Variants in LRRCC1 observed in about 807,000 individuals in gnomAD.
The protein encoded by LRRCC1 is leucine-rich repeat and coiled-coil domain-containing protein 1.
Under a neutral mutation model 126.0 loss-of-function variants are expected in LRRCC1, and 115 were observed. The ratio of observed to expected loss-of-function variants is 0.91; its 90% CI spans 0.78 to 1.07. LRRCC1 has a LOEUF of 1.07. LRRCC1 is among the 50% of genes least tolerant of loss of function. LRRCC1 has a pLI of 0.00. For synonymous variants in LRRCC1, 400 were observed against 393.4 expected (o/e 1.02, Z -0.20); for missense variants, 1,172 against 1,175.7 (o/e 1.00, Z 0.05).
rs771125291 is a variant in LRRCC1 at position 85,112,919 on chromosome 8, G to T, written c.377-13G>T. On this transcript the variant is annotated splice_polypyrimidine_tract_variant and intron_variant, in intron 3 of 18. Coordinates refer to ENST00000360375, the MANE Select transcript of LRRCC1 (RefSeq NM_033402.5). ...ATTGCTGTGGCATTTAAAGAATTATGTTCCTATTGCAGGATTGATTCCCCT... is the reference window on the plus strand; with the variant it reads ...ATTGCTGTGGCATTTAAAGAATTATTTTCCTATTGCAGGATTGATTCCCCT... The T allele has an allele frequency of 6.5e-7, 1 of 1,537,914 alleles. No homozygotes were observed. The highest frequency in any genetic ancestry group is 8.8e-7 in the Non-Finnish European group (1 of 1,138,510).
chr8:85,135,495 C>A (rs1391651665), intron 13 of LRRCC1, among the ~76,000 whole-genome samples: 1 of 152,042 alleles, frequency 6.6e-6, no homozygotes, highest in Non-Finnish European at 1.5e-5. Flanking sequence ...TGGAAAATGA[C>A]CTTTAACACT....
chr8:85,114,619 T>C (rs1808965208), intron 4 of LRRCC1, among the ~76,000 whole-genome samples: 1 of 152,086 alleles, frequency 6.6e-6, no homozygotes, highest in African/African-American at 2.4e-5. Context: ...GCTTTAATAT[T>C]AGTTATGTGT....
intron 8 of LRRCC1, among the ~76,000 whole-genome samples, chr8:85,125,423 C>T (rs1310588122): frequency 2.0e-5 from 3 of 151,832 alleles, no homozygotes; most frequent in African/African-American, 7.3e-5. Flanking sequence ...CCTGTAATCC[C>T]AGCACTTTGG....
At chr8:85,141,098 CA>C (rs1811218044) in intron 17 of LRRCC1, among the ~76,000 whole-genome samples, 3 of 151,910 alleles carry the variant, frequency 2.0e-5, no homozygotes, top group Admixed American at 2.0e-4. Flanking sequence ...CTCCTAGACT[CA>C]AAATAAATGG....
chr8:85,130,031 T>G lies in LRRCC1; in HGVS notation c.1739T>G (p.Leu580Arg). ...GAACAAGCGCAACAACTTCATCAAC[T>G]TCTTGCATTGAAAGAACAGGAACAC... is the stretch of plus-strand genomic sequence containing the variant. ...EREQAQQLHQ[L>R]LALKEQEHRK... Residue 580 changes from leucine (L) to arginine (R), a missense_variant, in exon 11 of 19, where the codon CTT becomes CGT. Transcript: ENST00000360375. 6.3e-7 allele frequency: 1 copy of G among 1,595,782 alleles called. No individual in the cohort carries two copies. The highest frequency in any genetic ancestry group is 8.5e-7 in the Non-Finnish European group (1 of 1,173,442).
rs1811252118 is a variant in LRRCC1 at position 85,141,518 on chromosome 8, G to A, written c.2976+1G>A. 1 of 1,595,804 alleles carries A rather than the reference G, an allele frequency of 6.3e-7. No individual in the cohort carries two copies. Among genetic ancestry groups the A allele is most frequent in the Admixed American group, 1.7e-5 (1 of 58,042 alleles). ...GTGTATTGATTCTGCAAATTTAAAGGTATTGTAAGTAAAATTCACTTCAAT... is the reference window on the plus strand; with the variant it reads ...GTGTATTGATTCTGCAAATTTAAAGATATTGTAAGTAAAATTCACTTCAAT... On this transcript the variant is annotated splice_donor_variant, in intron 18 of 18. Transcript: ENST00000360375. LOFTEE classifies it high-confidence loss of function.
intron 17 of LRRCC1, among the ~76,000 whole-genome samples, chr8:85,139,103 T>G (rs1811073610): frequency 1.3e-5 from 2 of 152,162 alleles, no homozygotes; most frequent in South Asian, 4.1e-4. Flanking sequence ...ACGATGAGCA[T>G]TTTAAACTGT....
At chr8:85,141,733 A>G (rs980542284) in intron 18 of LRRCC1, among the ~76,000 whole-genome samples, 1 of 152,228 alleles carries the variant, frequency 6.6e-6, no homozygotes, top group Non-Finnish European at 1.5e-5. Flanking sequence ...CAAAACTTGT[A>G]CATTTGATTC....
At chr8:85,141,214 T>A (rs1811227139) in intron 17 of LRRCC1, among the ~76,000 whole-genome samples, 168 bp from the exon 18 acceptor site, 1 of 152,224 alleles carries the variant, frequency 6.6e-6, no homozygotes, top group African/African-American at 2.4e-5. Flanking sequence ...GATGATGAAC[T>A]ACTTACTTAT....
intron 7 of LRRCC1, among the ~76,000 whole-genome samples, chr8:85,124,171 A>G (rs77426953): frequency 0.017 from 2,518 of 152,284 alleles, 80 homozygotes; most frequent in African/African-American, 0.057. Context: ...TCACCATGAC[A>G]AGTGGTTCAG....
chr8:85,130,023 T>G lies in LRRCC1; in HGVS notation c.1731T>G (p.Leu577=). 1 of 1,597,750 alleles carries G rather than the reference T, an allele frequency of 6.3e-7. No individual in the cohort carries two copies. The highest frequency in any genetic ancestry group is 8.5e-7 in the Non-Finnish European group (1 of 1,173,966). Residue 577 remains leucine (L), a synonymous_variant, in exon 11 of 19, where the codon CTT becomes CTG. Transcript: ENST00000360375. ...GAGAAAGAGAACAAGCGCAACAACT[T>G]CATCAACTTCTTGCATTGAAAGAAC... is the stretch of plus-strand genomic sequence containing the variant. ...LHREREQAQQ[L]HQLLALKEQE...
Position 85,115,235 on chromosome 8 carries a change from T to C in LRRCC1, c.680T>C (p.Leu227Ser). Residue 227 changes from leucine to serine, a missense_variant, in exon 5 of 19, where the codon TTA (leucine) becomes TCA (serine). Leu to Ser is a moderately radical substitution (Grantham distance 145). Transcript: ENST00000360375. ...LQCLEGLLDN[L>S]VSSDSPLNIS... The stretch of plus-strand genomic sequence containing the variant: ...TGCCTAGAAGGTCTTTTGGATAATT[T>C]AGTTTCTTCTGATTCTCCCCTAAAT... 3 of 1,611,318 alleles carry C rather than the reference T, an allele frequency of 1.9e-6. No individual in the cohort carries two copies. Among genetic ancestry groups the C allele is most frequent in the Non-Finnish European group, 2.5e-6 (3 of 1,178,772 alleles).
intron 6 of LRRCC1, among the ~76,000 whole-genome samples, chr8:85,120,678 A>G (rs924401621): frequency 7.9e-5 from 12 of 152,198 alleles, no homozygotes; most frequent in African/African-American, 2.7e-4. Context: ...GCCTATTTTG[A>G]ACATTTCATA....
chr8:85,117,356 A>G (rs1468238602), intron 6 of LRRCC1, among the ~76,000 whole-genome samples: 1 of 152,200 alleles, frequency 6.6e-6, no homozygotes, highest in Non-Finnish European at 1.5e-5. Context: ...ACAGGAGTCT[A>G]GCTATCTGGA....
chr8:85,139,409 C>T (rs1811103000), intron 17 of LRRCC1, among the ~76,000 whole-genome samples: 1 of 152,204 alleles, frequency 6.6e-6, no homozygotes, highest in Non-Finnish European at 1.5e-5. Flanking sequence ...GGATTACAGG[C>T]ATGCACCACA....
chr8:85,119,574 C>T (rs1014590112), intron 6 of LRRCC1, among the ~76,000 whole-genome samples: 1 of 151,804 alleles, frequency 6.6e-6, no homozygotes, highest in African/African-American at 2.4e-5. Flanking sequence ...TCACTACAAC[C>T]TCCATGGCTC....
intron 2 of LRRCC1, 135 bp from the exon 3 acceptor site, chr8:85,109,980 C>A (rs1808575355): frequency 1.5e-5 from 9 of 600,490 alleles, no homozygotes; most frequent in Non-Finnish European, 2.0e-5. Flanking sequence ...TTCTAAATGC[C>A]AATAAAATTG....
Position 85,129,378 on chromosome 8 carries a change from A to T in LRRCC1, c.1625A>T (p.Gln542Leu), listed in dbSNP as rs1296832060. 5.0e-6 allele frequency: 8 copies of T among 1,601,296 alleles called. No homozygotes were observed. In the East Asian group the frequency reaches 1.3e-4, roughly 27 times the overall value. Residue 542 changes from glutamine to leucine, a missense_variant and splice_region_variant, in exon 10 of 19, where the codon CAG (glutamine) becomes CTG (leucine). Coordinates refer to ENST00000360375, the MANE Select transcript of LRRCC1 (RefSeq NM_033402.5). ...CAAAAAAGGCAGCAGCAGGCAGCAC[A>T]GGTATTTCTCTATTTTAATATATGA... ...ERQKRQQQAA[Q>L]IRLIQEVELK...
intron 18 of LRRCC1, 44 bp downstream of exon 18, chr8:85,141,561 AT>A: frequency 7.3e-7 from 1 of 1,373,118 alleles, no homozygotes; most frequent in East Asian, 2.5e-5. Context: ...ATATTACATG[AT>A]TATAGCTAAA....
Sources: allele counts gnomAD v4.1 joint callset (sites outside exome capture counted in the v4.1 genomes callset), GRCh38; gene constraint gnomAD v4.1.1; transcripts MANE v1.5; gene names NCBI Gene and HGNC (gene_info 2026-07-23, HGNC 2026-07-21).